The following LYPD6B variants were observed in gnomAD, a reference collection of about 807,000 sequenced individuals.
LYPD6B encodes the protein ly6/PLAUR domain-containing protein 6B.
In LYPD6B, 17 loss-of-function variants were observed where a neutral mutation model predicts 22.8. The ratio of observed to expected loss-of-function variants is 0.75; its 90% CI spans 0.51 to 1.12. The LOEUF is 1.12. Ranked by LOEUF, LYPD6B falls within the 50% of genes most tolerant of loss-of-function variation. LYPD6B has a pLI of 0.00. For missense variants in LYPD6B, 221 were observed against 258.3 expected (o/e 0.86, Z 0.99); for synonymous variants, 106 against 91.6 (o/e 1.16, Z -0.90).
intron 2 of LYPD6B, among the ~76,000 whole-genome samples, chr2:149,144,746 A>C (rs1688909412): frequency 6.6e-6 from 1 of 152,334 alleles, no homozygotes; most frequent in Admixed American, 6.5e-5. Flanking sequence ...AGGCTAGGAC[A>C]GCAAAATCTT....
intron 1 of LYPD6B, among the ~76,000 whole-genome samples, chr2:149,064,974 A>G (rs1684255529): frequency 6.6e-6 from 1 of 152,130 alleles, no homozygotes; most frequent in South Asian, 2.1e-4. Context: ...GCAGTCTATT[A>G]CTGAGGTTTT....
At chr2:149,153,354 G>A (rs1251337274) in intron 2 of LYPD6B, among the ~76,000 whole-genome samples, 1 of 152,152 alleles carries the variant, frequency 6.6e-6, no homozygotes, top group Non-Finnish European at 1.5e-5. Context: ...TGGGTGCTTG[G>A]TTGTAAATAG....
At chr2:149,208,487 A>C (rs1559080630) in intron 5 of LYPD6B, 75 bp downstream of exon 5, 1 of 1,193,696 alleles carries the variant, frequency 8.4e-7, no homozygotes, top group East Asian at 2.3e-5. Context: ...GATGTTCTTT[A>C]GGAATCAGAT....
At chr2:149,155,027 A>T (rs1050086631) in intron 2 of LYPD6B, among the ~76,000 whole-genome samples, 20 of 152,202 alleles carry the variant, frequency 1.3e-4, no homozygotes, top group African/African-American at 4.8e-4. Flanking sequence ...TGAATTTTTT[A>T]AAAAATTTAC....
chr2:149,175,718 A>AT (rs35640623), intron 3 of LYPD6B, among the ~76,000 whole-genome samples: 70,208 of 141,082 alleles, frequency 0.5, 19,032 homozygotes, highest in South Asian at 0.71. Context: ...TTAATTTTTA[A>AT]TTTTTTTTTT....
At chr2:149,067,741 G>C (rs1244689372) in intron 1 of LYPD6B, among the ~76,000 whole-genome samples, 1 of 151,740 alleles carries the variant, frequency 6.6e-6, no homozygotes, top group Non-Finnish European at 1.5e-5. Context: ...AAGATTCCTG[G>C]TATAATCATT....
At position 149,175,023 on chromosome 2, in the gene LYPD6B, ATCTCTCTCTC is replaced by A. The variant is rs142556922; in HGVS notation, c.77+14218_77+14227del. ...TAATACTCTGTGAATAATCTCTTTA[ATCTCTCTCTC>A]TCTCTCTCTCTCTCTCTCTCTCTCT... On this transcript the variant is annotated intron_variant, in intron 3 of 6. Coordinates refer to ENST00000409642, the MANE Select transcript of LYPD6B (RefSeq NM_177964.5). 9.7e-4 allele frequency among the ~76,000 whole-genome samples: 122 copies of A among 125,816 alleles called. 2 individuals carry two copies. Among genetic ancestry groups the A allele is most frequent in the East Asian group, 3.2e-3 (12 of 3,706 alleles). 82.5% of individuals were successfully genotyped at this position (125,816 alleles called of 152,430 possible).
At chr2:149,069,686 T>C (rs1684509033) in intron 1 of LYPD6B, among the ~76,000 whole-genome samples, 1 of 152,040 alleles carries the variant, frequency 6.6e-6, no homozygotes. Flanking sequence ...AACATTCCTG[T>C]CTCCTATAAC....
At chr2:149,122,889 T>C (rs1687465035) in intron 1 of LYPD6B, among the ~76,000 whole-genome samples, 1 of 152,198 alleles carries the variant, frequency 6.6e-6, no homozygotes, top group Non-Finnish European at 1.5e-5. Flanking sequence ...ATGACTACCT[T>C]ATAACTGAGT....
In LYPD6B at chr2:149,214,639, A is replaced by G; in HGVS notation, c.553A>G (p.Thr185Ala). 6.2e-7 allele frequency: 1 copy of G among 1,613,964 alleles called. No homozygotes were observed. Among genetic ancestry groups the G allele is most frequent in the Non-Finnish European group, 8.5e-7 (1 of 1,179,862 alleles). The change falls in exon 7 of 7, where the codon ACA (threonine) becomes GCA (alanine). Residue 185 changes from threonine to alanine, a missense_variant. By Grantham distance (58) the Thr-to-Ala change is moderately conservative. Transcript: ENST00000409642. ...GTTTGCCGTAATGCACGCTCAGAGAACATCTGGCAGCAGTGCCCCCACACT... is the reference window on the plus strand; with the variant it reads ...GTTTGCCGTAATGCACGCTCAGAGAGCATCTGGCAGCAGTGCCCCCACACT... ...AVFAVMHAQR[T>A]SGSSAPTLYL...
At chr2:149,077,984 C>T (rs559996633) in intron 1 of LYPD6B, among the ~76,000 whole-genome samples, 1 of 152,220 alleles carries the variant, frequency 6.6e-6, no homozygotes, top group Admixed American at 6.5e-5. Context: ...TCCTGGAGGG[C>T]AGACTTTGTT....
At chr2:149,135,100 C>A (rs1010145851) in intron 2 of LYPD6B, among the ~76,000 whole-genome samples, 4 of 151,524 alleles carry the variant, frequency 2.6e-5, no homozygotes, top group Non-Finnish European at 5.9e-5. Flanking sequence ...CAAAAATTAG[C>A]CGGGTGTGGT....
chr2:149,157,559 G>GCC (rs1689787621), intron 2 of LYPD6B, among the ~76,000 whole-genome samples: 2 of 152,186 alleles, frequency 1.3e-5, no homozygotes, highest in African/African-American at 4.8e-5. Context: ...CCTTGCCAGT[G>GCC]TGCAAAAATG....
chr2:149,083,917 T>TA (rs1203938249), intron 1 of LYPD6B, among the ~76,000 whole-genome samples: 7 of 148,964 alleles, frequency 4.7e-5, no homozygotes, highest in Non-Finnish European at 8.9e-5. Flanking sequence ...TCTACTAAAA[T>TA]AAAAAAACAA....
At chr2:149,163,301 A>G (rs892751917) in intron 3 of LYPD6B, among the ~76,000 whole-genome samples, 1 of 152,130 alleles carries the variant, frequency 6.6e-6, no homozygotes, top group African/African-American at 2.4e-5. Context: ...TTTCAAGATG[A>G]TCAGACCTGT....
chr2:149,194,792 G>A (rs1429169389), intron 3 of LYPD6B, among the ~76,000 whole-genome samples: 2 of 152,178 alleles, frequency 1.3e-5, no homozygotes, highest in Non-Finnish European at 2.9e-5. Flanking sequence ...AGTGTAGGGT[G>A]GAGAGGGATA....
At chr2:149,067,383 A>T (rs1233348978) in intron 1 of LYPD6B, among the ~76,000 whole-genome samples, 2 of 152,138 alleles carry the variant, frequency 1.3e-5, no homozygotes, top group African/African-American at 2.4e-5. Flanking sequence ...TCTTTTAAAA[A>T]GTTGTTTTCC....
At position 149,156,910 on chromosome 2, in the gene LYPD6B, G is replaced by A. The variant is rs139445565; in HGVS notation, c.6-3854G>A. Reference sequence around the variant, plus strand: ...TCTTACCTTTGAGAATTGGATTCAGGCTAATGGGACTATTTTAGGGGAAGT... The same window carrying A: ...TCTTACCTTTGAGAATTGGATTCAGACTAATGGGACTATTTTAGGGGAAGT... On this transcript the variant is annotated intron_variant, in intron 2 of 6. Coordinates refer to ENST00000409642, the MANE Select transcript of LYPD6B (RefSeq NM_177964.5). Among the ~76,000 whole-genome samples the A allele has an allele frequency of 1.7e-3, 252 of 152,260 alleles. 2 individuals are homozygous for A. The highest frequency in any genetic ancestry group is 5.8e-3 in the African/African-American group (240 of 41,554).
Position 149,067,561 on chromosome 2 carries a change from T to G in LYPD6B, c.-67+28760T>G, listed in dbSNP as rs749857885. Among the ~76,000 whole-genome samples, 360 of 139,580 alleles carry G rather than the reference T, an allele frequency of 2.6e-3. 2 individuals carry two copies. Among genetic ancestry groups the G allele is most frequent in the Non-Finnish European group, 4.8e-3 (309 of 64,080 alleles). The allele number at this position is 139,580 out of a possible 152,430, so 91.6% of individuals were successfully genotyped here. ...TTTCTGTGTATAATTTTTTAAAACT[T>G]TGTTTTTTTTTTCTGATTGTAGGCA... On this transcript the variant is annotated intron_variant, in intron 1 of 6. Transcript: ENST00000409642.
Sources: gnomAD v4.1 joint callset for allele counts (sites outside exome capture counted in the v4.1 genomes callset) on GRCh38, gnomAD v4.1.1 for gene constraint, MANE v1.5 for transcripts, NCBI Gene and HGNC (gene_info 2026-07-23, HGNC 2026-07-21) for gene names.